Variants in NFATC3 observed in about 807,000 individuals in gnomAD.
The protein encoded by NFATC3 is nuclear factor of activated T-cells, cytoplasmic 3.
In NFATC3, 46 loss-of-function variants were observed where a neutral mutation model predicts 98.6. The ratio of observed to expected loss-of-function variants is 0.47; its 90% CI spans 0.37 to 0.60. The LOEUF (loss-of-function observed/expected upper bound fraction) is 0.60. NFATC3 is among the 20% of genes least tolerant of loss of function. The pLI, the probability that NFATC3 is intolerant of heterozygous loss-of-function variation, is 0.00. For missense variants in NFATC3, 1,256 were observed against 1,295.5 expected, an observed-to-expected ratio of 0.97 and a Z score of 0.47; for synonymous variants, 512 against 472.2, an observed-to-expected ratio of 1.08 and a Z score of -1.09.
chr16:68,128,814 T>C (rs1459412370), intron 3 of NFATC3, among the ~76,000 whole-genome samples: 2 of 149,978 alleles, frequency 1.3e-5, no homozygotes, highest in Non-Finnish European at 3.0e-5. Flanking sequence ...AACATGTCTC[T>C]TTAAAAAACA....
chr16:68,086,053 G>T, intron 1 of NFATC3: 1 of 385,042 alleles, frequency 2.6e-6, no homozygotes, highest in Non-Finnish European at 4.7e-6. Flanking sequence ...CCCAGGGTCC[G>T]GGCTGCTGCC....
At chr16:68,129,125 A>G (rs1360582797) in intron 3 of NFATC3, among the ~76,000 whole-genome samples, 2 of 152,052 alleles carry the variant, frequency 1.3e-5, no homozygotes, top group African/African-American at 2.4e-5. Context: ...GCCAAGTACA[A>G]TAAGTAGCAT....
intron 9 of NFATC3, among the ~76,000 whole-genome samples, chr16:68,194,070 T>G (rs74692270): frequency 6.6e-6 from 1 of 152,292 alleles, no homozygotes; most frequent in Non-Finnish European, 1.5e-5. Flanking sequence ...CTATTTATTA[T>G]CTAATCTAAT....
At chr16:68,215,838 C>T (rs947700838) in intron 9 of NFATC3, among the ~76,000 whole-genome samples, 1 of 150,652 alleles carries the variant, frequency 6.6e-6, no homozygotes, top group Non-Finnish European at 1.5e-5. Context: ...CGCCATTCTC[C>T]TGCCTTAGCC....
intron 3 of NFATC3, among the ~76,000 whole-genome samples, chr16:68,156,215 T>C (rs1460640968): frequency 1.3e-5 from 2 of 152,114 alleles, no homozygotes; most frequent in African/African-American, 4.8e-5. Context: ...CTCGGGAGGC[T>C]GAGGCAGGAG....
intron 3 of NFATC3, among the ~76,000 whole-genome samples, chr16:68,157,144 T>C (rs2038660430): frequency 6.6e-6 from 1 of 150,726 alleles, no homozygotes. Context: ...AATTAGGCAA[T>C]ATAAAAGAAA....
chr16:68,142,888 C>G (rs1455445315), intron 3 of NFATC3, among the ~76,000 whole-genome samples: 1 of 151,904 alleles, frequency 6.6e-6, no homozygotes, highest in Non-Finnish European at 1.5e-5. Flanking sequence ...TTACTTCTTT[C>G]TCTTGTCTGA....
intron 3 of NFATC3, among the ~76,000 whole-genome samples, chr16:68,133,840 C>T (rs990046966): frequency 1.3e-5 from 2 of 150,094 alleles, no homozygotes; most frequent in Admixed American, 6.6e-5. Context: ...GATTTGTGTC[C>T]AGTGTTGGAC....
At chr16:68,155,281 A>AC (rs1003856525) in intron 3 of NFATC3, among the ~76,000 whole-genome samples, 7 of 151,800 alleles carry the variant, frequency 4.6e-5, no homozygotes, top group African/African-American at 1.5e-4. Context: ...GAGAACTGAG[A>AC]CCCCCCTCAC....
At chr16:68,133,120 A>C (rs1360050062) in intron 3 of NFATC3, among the ~76,000 whole-genome samples, 1 of 151,876 alleles carries the variant, frequency 6.6e-6, no homozygotes, top group African/African-American at 2.4e-5. Flanking sequence ...ACAAAAATTA[A>C]CTGGGCGTGG....
At chr16:68,111,476 T>A (rs922869113) in intron 1 of NFATC3, among the ~76,000 whole-genome samples, 2 of 152,206 alleles carry the variant, frequency 1.3e-5, no homozygotes, top group African/African-American at 4.8e-5. Flanking sequence ...ATTTGCTTTG[T>A]AAATTTTCCT....
rs1359134066 is a variant in NFATC3 at position 68,108,877 on chromosome 16, G to A, written c.104-13110G>A. Among the ~76,000 whole-genome samples the A allele has an allele frequency of 7.2e-5, 11 of 152,214 alleles. No homozygotes were observed. In the South Asian group the frequency reaches 1.0e-3, roughly 14 times the overall value. On this transcript the variant is annotated intron_variant, in intron 1 of 9. Coordinates refer to ENST00000346183, the MANE Select transcript of NFATC3 (RefSeq NM_173165.3). ...TCATTCTTGATTTGGCTCTTTGCTT[G>A]TCTCTTGTTGGCGTAAAGGAATGCT...
At chr16:68,169,354 C>T (rs1049629451) in intron 5 of NFATC3, among the ~76,000 whole-genome samples, 3 of 151,814 alleles carry the variant, frequency 2.0e-5, no homozygotes, top group Non-Finnish European at 2.9e-5. Flanking sequence ...CTGCAGCCTC[C>T]GCCTCCCAGG....
intron 1 of NFATC3, among the ~76,000 whole-genome samples, chr16:68,118,656 A>G (rs2036416062): frequency 2.0e-5 from 3 of 152,126 alleles, no homozygotes; most frequent in Admixed American, 2.0e-4. Flanking sequence ...TTTAAATTTC[A>G]TATATACGTT....
chr16:68,093,823 T>TG (rs1175207433), intron 1 of NFATC3, among the ~76,000 whole-genome samples: 2 of 152,220 alleles, frequency 1.3e-5, no homozygotes, highest in African/African-American at 4.8e-5. Context: ...GCCTGCCTCT[T>TG]GCCTTGCTAT....
At chr16:68,144,702 G>T (rs13337183) in intron 3 of NFATC3, among the ~76,000 whole-genome samples, 3 of 151,796 alleles carry the variant, frequency 2.0e-5, no homozygotes, top group African/African-American at 7.3e-5. Context: ...CTGTCACCTA[G>T]CCTGGAGTGC....
chr16:68,122,088 T>TGGA lies in NFATC3; in HGVS notation c.205_206insGGA (p.Ser69delinsTrpThr). 6.2e-7 allele frequency: 1 copy of TGGA among 1,614,136 alleles called. No homozygotes were observed. Among genetic ancestry groups the TGGA allele is most frequent in the Non-Finnish European group, 8.5e-7 (1 of 1,180,030 alleles). ...TTGCTTACCACATCATGGATTACCG[T>TGGA]CTCACTCTTCTGTTTTGTCACCATC... is the stretch of plus-strand genomic sequence containing the variant. On this transcript the variant is annotated protein_altering_variant, in exon 2 of 10. Coordinates refer to ENST00000346183, the MANE Select transcript of NFATC3 (RefSeq NM_173165.3).
intron 9 of NFATC3, chr16:68,221,365 C>A (rs76257727): frequency 6.3e-7 from 1 of 1,578,122 alleles, no homozygotes. Flanking sequence ...GATTAACACT[C>A]GGCTCAAGTT....
At chr16:68,143,068 C>G (rs1376099479) in intron 3 of NFATC3, among the ~76,000 whole-genome samples, 1 of 151,484 alleles carries the variant, frequency 6.6e-6, no homozygotes, top group East Asian at 1.9e-4. Context: ...CCTGTCTCTA[C>G]CAAAAAATAA....
Sources: gnomAD v4.1 joint callset for allele counts (sites outside exome capture counted in the v4.1 genomes callset) on GRCh38, gnomAD v4.1.1 for gene constraint, MANE v1.5 for transcripts, NCBI Gene and HGNC (gene_info 2026-07-23, HGNC 2026-07-21) for gene names.